The following CPS1 variants were observed in gnomAD, a reference collection of about 807,000 sequenced individuals.
CPS1 encodes the protein carbamoyl-phosphate synthase 1.
A neutral mutation model predicts 174.6 loss-of-function variants in CPS1; 109 were observed. That is an observed-to-expected ratio of 0.62 (90% CI 0.53 to 0.73). CPS1 has a LOEUF of 0.73. Among genes scored for constraint, CPS1 ranks in the 30% least tolerant of loss-of-function variants. The probability of loss-of-function intolerance (pLI) is 0.00; values close to 1 mark genes in which losing one functional copy is unlikely to be tolerated. For missense variants in CPS1, 1,689 were observed against 1,821.9 expected, an observed-to-expected ratio of 0.93 and a Z score of 1.33; for synonymous variants, 637 against 632.0, an observed-to-expected ratio of 1.01 and a Z score of -0.12.
At chr2:210,664,716 G>A (rs1173050826) in intron 33 of CPS1, among the ~76,000 whole-genome samples, 2 of 152,120 alleles carry the variant, frequency 1.3e-5, no homozygotes, top group African/African-American at 2.4e-5. Context: ...AAATAAGAAA[G>A]AATGAGAAAT....
intron 1 of CPS1, among the ~76,000 whole-genome samples, chr2:210,550,518 C>T (rs1472738433): frequency 6.6e-6 from 1 of 151,934 alleles, no homozygotes; most frequent in East Asian, 1.9e-4. Flanking sequence ...ATAGCATTAG[C>T]TTATTTCAAG....
intron 31 of CPS1, among the ~76,000 whole-genome samples, chr2:210,660,094 G>A (rs1700867986): frequency 6.6e-6 from 1 of 152,096 alleles, no homozygotes; most frequent in Non-Finnish European, 1.5e-5. Flanking sequence ...TTGAGGCCAG[G>A]AGGGTAGTAT....
intron 28 of CPS1, 84 bp from the exon 29 acceptor site, chr2:210,653,941 A>T (rs1289369379): frequency 1.9e-6 from 2 of 1,078,318 alleles, no homozygotes; most frequent in African/African-American, 1.5e-5. Context: ...CCTGATACTT[A>T]TAATACTTAA....
At chr2:210,554,224 C>CAT (rs10653219), upstream of CPS1, among the ~76,000 whole-genome samples, 24,574 of 114,888 alleles carry the variant, frequency 0.21, 4,787 homozygotes, top group Middle Eastern at 0.35. Flanking sequence ...TATACACACA[C>CAT]ATATATATAT....
At chr2:210,572,367 G>C (rs1008436914) in intron 1 of CPS1, among the ~76,000 whole-genome samples, 2 of 151,820 alleles carry the variant, frequency 1.3e-5, no homozygotes, top group Admixed American at 1.3e-4. Context: ...ATTCTAATTA[G>C]TTTGTCCTAT....
intron 6 of CPS1, among the ~76,000 whole-genome samples, chr2:210,584,129 A>T (rs1316194547): frequency 6.6e-6 from 1 of 152,100 alleles, no homozygotes; most frequent in Non-Finnish European, 1.5e-5. Flanking sequence ...TAAAGGAAGA[A>T]TTGCTACCTT....
At chr2:210,561,292 C>T (rs1697092060) in intron 1 of CPS1, among the ~76,000 whole-genome samples, 1 of 152,098 alleles carries the variant, frequency 6.6e-6, no homozygotes, top group South Asian at 2.1e-4. Flanking sequence ...AGGCCCTAAG[C>T]ACATCACTCA....
At chr2:210,526,560 A>C (rs1177172598) in intron 1 of CPS1, among the ~76,000 whole-genome samples, 2 of 151,896 alleles carry the variant, frequency 1.3e-5, no homozygotes, top group African/African-American at 2.4e-5. Flanking sequence ...TTTATGAATG[A>C]AAAGCACCTA....
upstream of CPS1, among the ~76,000 whole-genome samples, chr2:210,553,763 G>A (rs114434635): frequency 7.3e-3 from 1,102 of 151,992 alleles, 8 homozygotes; most frequent in African/African-American, 0.025. Context: ...TTTCATGTCT[G>A]ACTTTAACAT....
At chr2:210,543,495 A>G (rs1169243992) in intron 1 of CPS1, among the ~76,000 whole-genome samples, 1 of 151,848 alleles carries the variant, frequency 6.6e-6, no homozygotes, top group Non-Finnish European at 1.5e-5. Flanking sequence ...CTCCCACATG[A>G]CCCATTTAAT....
intron 21 of CPS1, among the ~76,000 whole-genome samples, chr2:210,633,414 G>A (rs964105862): frequency 2.0e-5 from 3 of 151,998 alleles, no homozygotes; most frequent in African/African-American, 7.2e-5. Flanking sequence ...TTGCTGATAA[G>A]TGTTCAGTTT....
At chr2:210,637,909 C>A in intron 22 of CPS1, 66 bp downstream of exon 22, 2 of 1,541,872 alleles carry the variant, frequency 1.3e-6, no homozygotes, top group South Asian at 2.2e-5. Context: ...CGTAGGCACC[C>A]ATTCAAAAGG....
At chr2:210,599,229 C>A in intron 13 of CPS1, 143 bp from the exon 14 acceptor site, 1 of 707,468 alleles carries the variant, frequency 1.4e-6, no homozygotes, top group East Asian at 2.7e-5. Flanking sequence ...CTTCCTTTAA[C>A]TTCCATTCAC....
chr2:210,612,003 A>G (rs1699141475), intron 19 of CPS1, 114 bp from the exon 20 acceptor site: 6 of 886,088 alleles, frequency 6.8e-6, no homozygotes, highest in South Asian at 3.0e-5. Context: ...AGGCTTTATG[A>G]TATATTTTTT....
intron 28 of CPS1, among the ~76,000 whole-genome samples, 178 bp from the exon 29 acceptor site, chr2:210,653,847 A>G (rs1700627971): frequency 6.6e-6 from 1 of 152,216 alleles, no homozygotes; most frequent in African/African-American, 2.4e-5. Flanking sequence ...CACTACAAGC[A>G]AAGAACAACC....
intron 34 of CPS1, among the ~76,000 whole-genome samples, chr2:210,670,333 A>G (rs935660302): frequency 6.6e-6 from 1 of 152,134 alleles, no homozygotes; most frequent in African/African-American, 2.4e-5. Context: ...ATTTTCATTC[A>G]TGGTGTTTTT....
At chr2:210,659,156 G>A (rs1333017462) in intron 31 of CPS1, among the ~76,000 whole-genome samples, 1 of 152,140 alleles carries the variant, frequency 6.6e-6, no homozygotes, top group Non-Finnish European at 1.5e-5. Flanking sequence ...TCTGTTTTGT[G>A]TTGCTATAAC....
intron 34 of CPS1, among the ~76,000 whole-genome samples, chr2:210,669,157 GATGT>G (rs1414787715): frequency 6.6e-6 from 1 of 152,058 alleles, no homozygotes; most frequent in Non-Finnish European, 1.5e-5. Context: ...TCAATTTATT[GATGT>G]AAGTTAAATA....
intron 1 of CPS1, among the ~76,000 whole-genome samples, chr2:210,508,556 C>G (rs977679945): frequency 1.3e-5 from 2 of 152,008 alleles, no homozygotes; most frequent in Non-Finnish European, 2.9e-5. Context: ...AATAGAGACA[C>G]AAAAAACCCT....
Sources: allele counts gnomAD v4.1 joint callset (sites outside exome capture counted in the v4.1 genomes callset), GRCh38; gene constraint gnomAD v4.1.1; transcripts MANE v1.5; gene names NCBI Gene and HGNC (gene_info 2026-07-23, HGNC 2026-07-21).